The following LEPR variants were observed in gnomAD, a reference collection of about 807,000 sequenced individuals.
LEPR encodes the protein leptin receptor.
In LEPR, 56 loss-of-function variants were observed where a neutral mutation model predicts 114.7. The ratio of observed to expected loss-of-function variants is 0.49; its 90% CI spans 0.39 to 0.61. The LOEUF (loss-of-function observed/expected upper bound fraction) is 0.61. Among genes scored for constraint, LEPR ranks in the 20% least tolerant of loss-of-function variants. The probability of loss-of-function intolerance (pLI) is 0.00; values close to 1 mark genes in which losing one functional copy is unlikely to be tolerated. For synonymous variants in LEPR, 443 were observed against 461.4 expected, an observed-to-expected ratio of 0.96 and a Z score of 0.51; for missense variants, 1,202 against 1,352.9, an observed-to-expected ratio of 0.89 and a Z score of 1.75.
intron 2 of LEPR, among the ~76,000 whole-genome samples, chr1:65,517,294 T>C (rs1392871401): frequency 6.6e-6 from 1 of 152,238 alleles, no homozygotes; most frequent in Non-Finnish European, 1.5e-5. Flanking sequence ...GCTGTGAAGT[T>C]ACTTAGTGGT....
At position 65,431,757 on chromosome 1, in the gene LEPR, A is replaced by G. The variant is rs1444351619; in HGVS notation, c.-21+6379A>G. ...AAATAATAGGGATTGCAAAGAGTAC[A>G]ATATGAAGGAAGTAAGGATTTAATC... On this transcript the variant is annotated intron_variant, in intron 2 of 19. Coordinates refer to ENST00000349533, the MANE Select transcript of LEPR (RefSeq NM_002303.6). The G allele has an allele frequency of 3.1e-6, 5 of 1,588,868 alleles. No individual in the cohort carries two copies. The Admixed American group carries it at 5.4e-5, about 17-fold the overall frequency.
At chr1:65,555,667 T>C (rs1652765263) in intron 2 of LEPR, among the ~76,000 whole-genome samples, 1 of 152,160 alleles carries the variant, frequency 6.6e-6, no homozygotes, top group Admixed American at 6.6e-5. Flanking sequence ...ATTATGGCAA[T>C]AATGGGAATT....
chr1:65,496,459 C>A lies in LEPR; in HGVS notation c.-20-69087C>A, dbSNP rs191963929. Among the ~76,000 whole-genome samples the A allele has an allele frequency of 2.0e-4, 30 of 152,132 alleles. No individual in the cohort carries two copies. In the East Asian group the frequency reaches 4.8e-3, roughly 25 times the overall value. ...AGGTGTGGTTGCACGTGCCTGTAGT[C>A]CCTGCCAGTTGGGAGGCTGAGGTTG... is the stretch of plus-strand genomic sequence containing the variant. On this transcript the variant is annotated intron_variant, in intron 2 of 19. Transcript: ENST00000349533.
intron 2 of LEPR, among the ~76,000 whole-genome samples, chr1:65,543,162 C>T (rs1651368844): frequency 6.6e-6 from 1 of 151,886 alleles, no homozygotes; most frequent in South Asian, 2.1e-4. Flanking sequence ...TTCTAACTGA[C>T]ATCAGATGGT....
At chr1:65,466,964 A>T (rs1323337453) in intron 2 of LEPR, among the ~76,000 whole-genome samples, 1 of 151,984 alleles carries the variant, frequency 6.6e-6, no homozygotes, top group Non-Finnish European at 1.5e-5. Context: ...CTTCCTTGGG[A>T]TGAGTTAGAA....
At chr1:65,514,277 A>T (rs540242405) in intron 2 of LEPR, among the ~76,000 whole-genome samples, 2 of 152,238 alleles carry the variant, frequency 1.3e-5, no homozygotes, top group Non-Finnish European at 2.9e-5. Context: ...GCAAGGAAAG[A>T]TGTTTCAACA....
At chr1:65,452,753 G>C (rs1291277375) in intron 2 of LEPR, among the ~76,000 whole-genome samples, 2 of 151,044 alleles carry the variant, frequency 1.3e-5, no homozygotes, top group African/African-American at 4.9e-5. Context: ...TTTTTGTTGT[G>C]TCTCTGCCCG....
chr1:65,587,498 A>G (rs1360539535), intron 5 of LEPR, among the ~76,000 whole-genome samples: 1 of 152,080 alleles, frequency 6.6e-6, no homozygotes, highest in Non-Finnish European at 1.5e-5. Context: ...ATTGTCTTTG[A>G]TATTCACACC....
chr1:65,496,325 G>A (rs532850270), intron 2 of LEPR, among the ~76,000 whole-genome samples: 1 of 152,156 alleles, frequency 6.6e-6, no homozygotes, highest in South Asian at 2.1e-4. Flanking sequence ...ATAATCCCAG[G>A]ACTTTGGGAG....
intron 2 of LEPR, chr1:65,525,644 C>A: frequency 1.0e-6 from 1 of 985,788 alleles, no homozygotes; most frequent in Non-Finnish European, 1.2e-6. Context: ...GCCCCACCTC[C>A]CCACGCACTC....
intron 5 of LEPR, among the ~76,000 whole-genome samples, chr1:65,589,977 G>A (rs1477616469): frequency 6.6e-6 from 1 of 151,874 alleles, no homozygotes; most frequent in African/African-American, 2.4e-5. Flanking sequence ...GAGATTGTGA[G>A]TAGCATTGCA....
chr1:65,627,637 C>G (rs1658297531), intron 19 of LEPR, among the ~76,000 whole-genome samples: 1 of 152,036 alleles, frequency 6.6e-6, no homozygotes, highest in Non-Finnish European at 1.5e-5. Context: ...AATAGCAAAT[C>G]CACATGGGAA....
At chr1:65,510,828 G>A (rs1648991182) in intron 2 of LEPR, among the ~76,000 whole-genome samples, 1 of 152,054 alleles carries the variant, frequency 6.6e-6, no homozygotes, top group East Asian at 1.9e-4. Flanking sequence ...ACACACAGGG[G>A]GCATTTGTGT....
At chr1:65,531,397 TTTTCCTTTCC>T (rs59604570) in intron 2 of LEPR, among the ~76,000 whole-genome samples, 4 of 149,882 alleles carry the variant, frequency 2.7e-5, no homozygotes, top group Non-Finnish European at 3.0e-5. Context: ...AATATATTCT[TTTTCCTTTCC>T]TTTCCTTTCC....
At chr1:65,564,972 C>T (rs1653624855) in intron 2 of LEPR, among the ~76,000 whole-genome samples, 1 of 152,148 alleles carries the variant, frequency 6.6e-6, no homozygotes, top group African/African-American at 2.4e-5. Context: ...ATTAAGCCAC[C>T]AGACTTTTAA....
At chr1:65,493,811 T>C (rs1648004829) in intron 2 of LEPR, 1 of 152,202 alleles carries the variant, frequency 6.6e-6, no homozygotes, top group Admixed American at 6.6e-5. Flanking sequence ...AATTGTTTCA[T>C]GAATTTGAAT....
At chr1:65,475,704 C>T (rs1647150666) in intron 2 of LEPR, among the ~76,000 whole-genome samples, 1 of 151,988 alleles carries the variant, frequency 6.6e-6, no homozygotes, top group African/African-American at 2.4e-5. Context: ...TTCAAAAAGC[C>T]ACAGATATTT....
chr1:65,558,526 G>GTTTT (rs1187502644), intron 2 of LEPR, among the ~76,000 whole-genome samples: 6 of 7,746 alleles, frequency 7.7e-4, no homozygotes, highest in African/African-American at 1.1e-3. Flanking sequence ...TGAATCAGAA[G>GTTTT]TTTTTTTTTT....
In LEPR at chr1:65,488,116, T is replaced by TCCCTCCCTCC. The variant is rs1557619747; in HGVS notation, c.-21+62739_-21+62740insCCTCCCTCCC. 4.2e-4 allele frequency among the ~76,000 whole-genome samples: 59 copies of TCCCTCCCTCC among 141,966 alleles called. 1 individual carries two copies. The highest frequency in any genetic ancestry group is 1.7e-3 in the African/African-American group (58 of 33,512). 93.1% of individuals were successfully genotyped at this position (141,966 alleles called of 152,430 possible). On this transcript the variant is annotated intron_variant, in intron 2 of 19. Coordinates refer to ENST00000349533, the MANE Select transcript of LEPR (RefSeq NM_002303.6). The stretch of plus-strand genomic sequence containing the variant: ...CTTTCCTTCTTTCTTTCTCTTTCTT[T>TCCCTCCCTCC]CTTTCTTTCTTTCCCTCCCTCCCTC...
Sources: allele counts gnomAD v4.1 joint callset (sites outside exome capture counted in the v4.1 genomes callset), GRCh38; gene constraint gnomAD v4.1.1; transcripts MANE v1.5; gene names NCBI Gene and HGNC (gene_info 2026-07-23, HGNC 2026-07-21).